Variants in LONP2 observed in about 807,000 individuals in gnomAD.
LONP2 encodes the protein lon protease homolog 2, peroxisomal.
A neutral mutation model predicts 85.6 loss-of-function variants in LONP2; 60 were observed. That is an observed-to-expected ratio of 0.70 (90% CI 0.57 to 0.87). The LOEUF (loss-of-function observed/expected upper bound fraction) is 0.87, where lower values mean the gene tolerates loss of function less well. Ranked by LOEUF, LONP2 falls within the 40% of genes least tolerant of loss-of-function variation. The pLI is 0.00. For missense variants in LONP2, 860 were observed against 1,063.5 expected, an observed-to-expected ratio of 0.81 and a Z score of 2.66; for synonymous variants, 395 against 389.7, an observed-to-expected ratio of 1.01 and a Z score of -0.16.
At chr16:48,298,821 A>G (rs1972735349) in intron 9 of LONP2, among the ~76,000 whole-genome samples, 1 of 152,130 alleles carries the variant, frequency 6.6e-6, no homozygotes, top group Non-Finnish European at 1.5e-5. Flanking sequence ...ACTTTCAAGC[A>G]CTGTGCTTAG....
At chr16:48,256,545 C>A in intron 2 of LONP2, 65 bp from the exon 3 acceptor site, 2 of 1,546,814 alleles carry the variant, frequency 1.3e-6, no homozygotes, top group Non-Finnish European at 1.8e-6. Context: ...AGATGGAAAT[C>A]TGATTTTTAA....
At chr16:48,305,757 G>A (rs1972899960) in intron 11 of LONP2, among the ~76,000 whole-genome samples, 2 of 152,092 alleles carry the variant, frequency 1.3e-5, no homozygotes, top group Non-Finnish European at 2.9e-5. Context: ...TTAAGTGTTG[G>A]TTACTTTTTG....
At position 48,270,126 on chromosome 16, in the gene LONP2, A is replaced by G. The variant is rs1256278211; in HGVS notation, c.1093A>G (p.Asn365Asp). ...EYLAVRQLKN[N>D]LKGPILCFVG... ...CTTGGCTGTCAGACAGCTCAAAAAT[A>G]ACCTGAAGGGCCCAATCCTATGCTT... Residue 365 changes from asparagine (N) to aspartate (D), a missense_variant, in exon 7 of 15, where the codon AAC becomes GAC. Coordinates refer to ENST00000285737, the MANE Select transcript of LONP2 (RefSeq NM_031490.5). The G allele has an allele frequency of 6.2e-7, 1 of 1,613,976 alleles. No homozygotes were observed. The highest frequency in any genetic ancestry group is 1.3e-5 in the African/African-American group (1 of 74,918).
chr16:48,362,171 A>G (rs1440990116), downstream of LONP2: 3 of 1,614,234 alleles, frequency 1.9e-6, no homozygotes, highest in Non-Finnish European at 1.7e-6. This position sits in a 1 kb window ranked among gnomAD's most constrained non-coding sequence, Gnocchi z 4.2. Flanking sequence ...CTTTCTCCAT[A>G]GCCAAGTTGC....
Position 48,353,714 on chromosome 16 carries a change from G to A in LONP2, c.*1912G>A, listed in dbSNP as rs980930105. On this transcript the variant is annotated 3_prime_UTR_variant, in exon 15 of 15. Transcript: ENST00000285737. Reference sequence around the variant, plus strand: ...TCCAACGTCATCTAACTGGGGACTAGAACAAACTGTGAATTCACTTTCAGC... The same window carrying A: ...TCCAACGTCATCTAACTGGGGACTAAAACAAACTGTGAATTCACTTTCAGC... The A allele has an allele frequency of 6.6e-6, 1 of 152,012 alleles. No individual in the cohort carries two copies. Among genetic ancestry groups the A allele is most frequent in the Non-Finnish European group, 1.5e-5 (1 of 68,034 alleles). 9.4% of individuals were successfully genotyped at this position (152,012 alleles called of 1,614,324 possible). A position where few individuals can be genotyped will look rare whatever the true frequency, so the allele number is the denominator to read the frequency against.
chr16:48,336,596 T>C (rs1300712220), intron 12 of LONP2: 1 of 365,038 alleles, frequency 2.7e-6, no homozygotes, highest in Non-Finnish European at 5.4e-6. Context: ...TCAAAGGGGG[T>C]TGTTCTCTTG....
intron 11 of LONP2, among the ~76,000 whole-genome samples, chr16:48,319,034 C>A (rs138466561): frequency 6.6e-6 from 1 of 151,624 alleles, no homozygotes; most frequent in East Asian, 1.9e-4. Flanking sequence ...TTCTCGTCTA[C>A]GGCCATGAGT....
At chr16:48,343,849 A>AT (rs1267042647) in intron 12 of LONP2, 1 of 152,220 alleles carries the variant, frequency 6.6e-6, no homozygotes, top group Admixed American at 6.5e-5. Flanking sequence ...TATTAGACAC[A>AT]TAAGGAAAGT....
chr16:48,303,363 A>G, intron 11 of LONP2, 58 bp downstream of exon 11: 5 of 1,594,462 alleles, frequency 3.1e-6, no homozygotes, highest in Non-Finnish European at 4.3e-6. Context: ...GTGACAGAAG[A>G]AGGTTGGGTA....
In LONP2 at chr16:48,354,162, C is replaced by G. The variant is rs1960249944; in HGVS notation, c.*2360C>G. The G allele has an allele frequency of 8.3e-6, 1 of 119,872 alleles. No homozygotes were observed. Among genetic ancestry groups the G allele is most frequent in the Non-Finnish European group, 1.7e-5 (1 of 60,442 alleles). 7.4% of individuals were successfully genotyped at this position (119,872 alleles called of 1,614,324 possible). A position where few individuals can be genotyped will look rare whatever the true frequency, so the allele number is the denominator to read the frequency against. On this transcript the variant is annotated 3_prime_UTR_variant, in exon 15 of 15. Coordinates refer to ENST00000285737, the MANE Select transcript of LONP2 (RefSeq NM_031490.5). ...TTTTAAGCATATAATTTGGGGGTAT[C>G]AGTTACTGGATCTAAGCATGTCCAC...
intron 2 of LONP2, among the ~76,000 whole-genome samples, chr16:48,254,097 T>C (rs1307714642): frequency 6.6e-6 from 1 of 152,222 alleles, no homozygotes. Flanking sequence ...TTCTCTTCAC[T>C]GAGCCTTTCT....
At chr16:48,296,642 C>T (rs974732272) in intron 9 of LONP2, among the ~76,000 whole-genome samples, 1 of 151,556 alleles carries the variant, frequency 6.6e-6, no homozygotes, top group Non-Finnish European at 1.5e-5. Flanking sequence ...CGGGAGAATC[C>T]CTTGAACCTG....
intron 1 of LONP2, 130 bp downstream of exon 1, chr16:48,244,751 T>C (rs7187166): frequency 0.099 from 55,380 of 560,732 alleles, 3,488 homozygotes; most frequent in African/African-American, 0.24. Context: ...TCCGCCTCTC[T>C]GGTGCTATCA....
chr16:48,304,982 T>C (rs578077389), intron 11 of LONP2, among the ~76,000 whole-genome samples: 2 of 152,368 alleles, frequency 1.3e-5, no homozygotes, highest in East Asian at 3.9e-4. Context: ...ATGTCTTTCT[T>C]GTTTTTCCAT....
intron 11 of LONP2, among the ~76,000 whole-genome samples, chr16:48,305,756 G>A (rs1297405934): frequency 6.6e-6 from 1 of 152,002 alleles, no homozygotes; most frequent in African/African-American, 2.4e-5. Context: ...GTTAAGTGTT[G>A]GTTACTTTTT....
At chr16:48,294,678 G>T (rs1022545938) in intron 8 of LONP2, among the ~76,000 whole-genome samples, 3 of 152,056 alleles carry the variant, frequency 2.0e-5, no homozygotes, top group African/African-American at 7.2e-5. Context: ...AGATTGTAGT[G>T]AGCTGAGACC....
rs867492860 is a variant in LONP2 at position 48,347,628 on chromosome 16, G to A, written c.2060G>A (p.Gly687Asp). 2.5e-6 allele frequency: 4 copies of A among 1,614,268 alleles called. No homozygotes were observed. The highest frequency in any genetic ancestry group is 3.4e-6 in the Non-Finnish European group (4 of 1,180,052). The change falls in exon 13 of 15, where the codon GGC (glycine) becomes GAC (aspartate). Residue 687 changes from glycine to aspartate, a missense_variant. Transcript: ENST00000285737. ...GGCGAGGGCCAGTTAACTCTGACCG[G>A]CCAGCTCGGGGACGTGATGAAGGAG... is the stretch of plus-strand genomic sequence containing the variant. ...MDGEGQLTLT[G>D]QLGDVMKESA...
chr16:48,280,954 T>C lies in LONP2; in HGVS notation c.1383+3475T>C, dbSNP rs543744182. Among the ~76,000 whole-genome samples, 23 of 152,302 alleles carry C rather than the reference T, an allele frequency of 1.5e-4. No individual in the cohort carries two copies. In the South Asian group the frequency reaches 3.5e-3, roughly 23 times the overall value. On this transcript the variant is annotated intron_variant, in intron 8 of 14. Transcript: ENST00000285737. Reference sequence around the variant, plus strand: ...TCCATTGCCAGTAGGTTCACTTAAATTTAAAAAAAGAACAAACTCAATTAC... The same window carrying C: ...TCCATTGCCAGTAGGTTCACTTAAACTTAAAAAAAGAACAAACTCAATTAC...
chr16:48,244,540 C>G lies in LONP2; in HGVS notation c.152C>G (p.Ser51Trp). The G allele has an allele frequency of 1.9e-6, 3 of 1,563,908 alleles. No individual in the cohort carries two copies. The highest frequency in any genetic ancestry group is 1.7e-6 in the Non-Finnish European group (2 of 1,158,528). Residue 51 changes from serine to tryptophan, a missense_variant, in exon 1 of 15, where the codon TCG (serine) becomes TGG (tryptophan). This residue lies in a region of LONP2 where 743 missense variants were observed against 917.3 expected (regional missense o/e 0.81). Transcript: ENST00000285737. ...LVRSRLLKGT[S>W]LQSTILGVIP... ...CGGAGCCGCCTTCTGAAGGGCACGT[C>G]GCTGCAAAGCACCATCCTGGGCGTC...
Sources: allele counts gnomAD v4.1 joint callset (sites outside exome capture counted in the v4.1 genomes callset), GRCh38; gene constraint gnomAD v4.1.1; regional missense constraint gnomAD v4.1.1; non-coding constraint Gnocchi (gnomAD v3.1); transcripts MANE v1.5; gene names NCBI Gene and HGNC (gene_info 2026-07-23, HGNC 2026-07-21).